ARHGEF7: variants seen among roughly 807,000 people sequenced by gnomAD.
ARHGEF7 encodes Rho guanine nucleotide exchange factor 7.
In ARHGEF7, 33 loss-of-function variants were observed where a neutral mutation model predicts 109.8. The observed-to-expected ratio is 0.30, with a 90% CI of 0.23 to 0.40. The LOEUF (loss-of-function observed/expected upper bound fraction) is 0.40, where lower values mean the gene tolerates loss of function less well. ARHGEF7 is among the 10% of genes least tolerant of loss of function. The pLI is 1.00. For missense variants in ARHGEF7, 938 were observed against 1,098.5 expected, an observed-to-expected ratio of 0.85 and a Z score of 2.07; for synonymous variants, 458 against 424.6, an observed-to-expected ratio of 1.08 and a Z score of -0.97.
chr13:111,204,420 C>T (rs117816189), intron 2 of ARHGEF7, among the ~76,000 whole-genome samples: 17 of 152,274 alleles, frequency 1.1e-4, no homozygotes, highest in East Asian at 3.9e-4. Flanking sequence ...TAGTTGTGGA[C>T]GATTTGACTG....
chr13:111,185,764 G>A (rs1202267303), intron 2 of ARHGEF7, among the ~76,000 whole-genome samples: 1 of 152,172 alleles, frequency 6.6e-6, no homozygotes, highest in African/African-American at 2.4e-5. Context: ...CTGTGTGTGT[G>A]TACGTGGTGA....
chr13:111,156,324 A>G (rs1364612258), intron 2 of ARHGEF7, among the ~76,000 whole-genome samples: 1 of 152,214 alleles, frequency 6.6e-6, no homozygotes, highest in African/African-American at 2.4e-5. Context: ...AGTGATAGCA[A>G]GTGAGTTTCA....
At chr13:111,293,492 C>G in intron 19 of ARHGEF7, 1 of 983,838 alleles carries the variant, frequency 1.0e-6, no homozygotes, top group Non-Finnish European at 1.2e-6. Flanking sequence ...AAGGAGTTTT[C>G]ACTGGCCTCA....
chr13:111,174,585 G>A (rs1337561913), intron 2 of ARHGEF7, among the ~76,000 whole-genome samples: 5 of 152,158 alleles, frequency 3.3e-5, no homozygotes, highest in Admixed American at 6.5e-5. Context: ...CTGGGCATAC[G>A]TGGCTTAGTT....
At position 111,283,141 on chromosome 13, in the gene ARHGEF7, C is replaced by A; in HGVS notation, c.1728C>A (p.Leu576=). 6.3e-7 allele frequency: 1 copy of A among 1,582,574 alleles called. No individual in the cohort carries two copies. Among genetic ancestry groups the A allele is most frequent in the Non-Finnish European group, 8.6e-7 (1 of 1,164,416 alleles). ...TTCCCGCTCTGTGCCCTTGGCAGCT[C>A]CCCTCCCACCCGGTCACTCCGTCCA... ...IKPHSVPSHT[L]PSHPVTPSSK... Residue 576 remains leucine (L), a splice_region_variant and synonymous_variant, in exon 16 of 22, where the codon CTC becomes CTA. Coordinates refer to ENST00000646102, the MANE Select transcript of ARHGEF7 (RefSeq NM_001354046.2).
intron 1 of ARHGEF7, among the ~76,000 whole-genome samples, chr13:111,127,648 GAAA>G (rs71206956): frequency 3.7e-4 from 15 of 40,056 alleles, no homozygotes; most frequent in African/African-American, 9.7e-4. Context: ...CTCTGTTTCA[GAAA>G]AAAAAAAAAA....
intron 2 of ARHGEF7, among the ~76,000 whole-genome samples, chr13:111,171,492 C>G (rs905821226): frequency 1.3e-5 from 2 of 152,220 alleles, no homozygotes; most frequent in South Asian, 2.1e-4. Flanking sequence ...TAATATCGCT[C>G]CAGGTTACAT....
chr13:111,210,836 C>G (rs948517215), intron 4 of ARHGEF7, among the ~76,000 whole-genome samples: 1 of 152,158 alleles, frequency 6.6e-6, no homozygotes, highest in Non-Finnish European at 1.5e-5. Context: ...GAACCCTATT[C>G]TAGAGTCATG....
At chr13:111,153,508 C>T (rs1733964825) in intron 1 of ARHGEF7, 3 of 546,222 alleles carry the variant, frequency 5.5e-6, no homozygotes, top group Non-Finnish European at 7.2e-6. Context: ...CTCCCTCTAC[C>T]GGACCGAGGC....
intron 1 of ARHGEF7, among the ~76,000 whole-genome samples, chr13:111,150,656 T>A (rs1254343360): frequency 6.6e-6 from 1 of 152,216 alleles, no homozygotes; most frequent in African/African-American, 2.4e-5. Flanking sequence ...ATGCTGCGTA[T>A]AGTGAGTGAT....
chr13:111,196,318 C>T (rs984229283), intron 2 of ARHGEF7, among the ~76,000 whole-genome samples: 6 of 152,190 alleles, frequency 3.9e-5, no homozygotes, highest in African/African-American at 1.4e-4. Context: ...GGAATTTGTC[C>T]CTTTCTTCGG....
At chr13:111,155,872 T>G (rs2076279781) in intron 2 of ARHGEF7, among the ~76,000 whole-genome samples, 1 of 152,086 alleles carries the variant, frequency 6.6e-6, no homozygotes, top group Non-Finnish European at 1.5e-5. Context: ...GGTCGGGAGT[T>G]CGAGACCAGC....
At chr13:111,301,138 G>A (rs1157104497) in intron 20 of ARHGEF7, among the ~76,000 whole-genome samples, 2 of 152,034 alleles carry the variant, frequency 1.3e-5, no homozygotes, top group Admixed American at 6.6e-5. Flanking sequence ...TAGTAGAAAC[G>A]AGTTTTCACC....
chr13:111,296,631 G>T (rs2153631970), intron 19 of ARHGEF7, among the ~76,000 whole-genome samples: 1 of 152,288 alleles, frequency 6.6e-6, no homozygotes, highest in Non-Finnish European at 1.5e-5. Context: ...ATTATAAGCT[G>T]ATCTAGCACT....
intron 12 of ARHGEF7, among the ~76,000 whole-genome samples, chr13:111,276,882 A>AT (rs574901439): frequency 2.0e-4 from 30 of 152,238 alleles, no homozygotes; most frequent in African/African-American, 6.0e-4. Context: ...GGACTGTGGC[A>AT]TTTTTTTGTC....
intron 8 of ARHGEF7, among the ~76,000 whole-genome samples, chr13:111,261,635 A>G (rs1666359608): frequency 6.6e-6 from 1 of 152,230 alleles, no homozygotes; most frequent in Non-Finnish European, 1.5e-5. Flanking sequence ...CATTTCCTCT[A>G]GTGGCTTCAG....
At chr13:111,160,915 T>A (rs2076691620) in intron 2 of ARHGEF7, among the ~76,000 whole-genome samples, 1 of 152,212 alleles carries the variant, frequency 6.6e-6, no homozygotes, top group Non-Finnish European at 1.5e-5. Context: ...CTCTTTTCTT[T>A]ATAAATTACC....
chr13:111,147,668 AC>A (rs1176190382), intron 1 of ARHGEF7, among the ~76,000 whole-genome samples: 2 of 134,374 alleles, frequency 1.5e-5, no homozygotes, highest in Non-Finnish European at 3.2e-5. Context: ...TTGCCTCTTC[AC>A]CCTTCCAACT....
Position 111,152,214 on chromosome 13 carries a change from A to T in ARHGEF7, c.166-1691A>T, listed in dbSNP as rs571716318. ...TCTGACTTGTTCAGAAACTTTTTAG[A>T]TGGAGAAATGGGTATTATGTTTCTA... On this transcript the variant is annotated intron_variant, in intron 1 of 21. Coordinates refer to ENST00000646102, the MANE Select transcript of ARHGEF7 (RefSeq NM_001354046.2). Among the ~76,000 whole-genome samples, 120 of 152,298 alleles carry T rather than the reference A, an allele frequency of 7.9e-4. 1 individual carries two copies. The highest frequency in any genetic ancestry group is 2.8e-3 in the African/African-American group (115 of 41,550).
Sources: allele counts gnomAD v4.1 joint callset (sites outside exome capture counted in the v4.1 genomes callset), GRCh38; gene constraint gnomAD v4.1.1; transcripts MANE v1.5; gene names NCBI Gene and HGNC (gene_info 2026-07-23, HGNC 2026-07-21).